The following EYA2 variants were observed in gnomAD, a reference collection of about 807,000 sequenced individuals.
The protein encoded by EYA2 is protein phosphatase EYA2.
Under a neutral mutation model 69.2 loss-of-function variants are expected in EYA2, and 31 were observed. The observed-to-expected ratio is 0.45, with a 90% confidence interval of 0.34 to 0.60. EYA2 has a LOEUF of 0.60. Ranked by LOEUF, EYA2 falls within the 20% of genes least tolerant of loss-of-function variation. The probability of loss-of-function intolerance (pLI) is 0.02; values close to 1 mark genes in which losing one functional copy is unlikely to be tolerated. For synonymous variants in EYA2, 257 were observed against 279.4 expected, an observed-to-expected ratio of 0.92 and a Z score of 0.80; for missense variants, 622 against 701.2, an observed-to-expected ratio of 0.89 and a Z score of 1.28.
At chr20:47,081,355 G>A (rs2031708877) in intron 7 of EYA2, among the ~76,000 whole-genome samples, 1 of 152,072 alleles carries the variant, frequency 6.6e-6, no homozygotes, top group African/African-American at 2.4e-5. Flanking sequence ...ATATGTGAAT[G>A]TTAATTAGCT....
chr20:46,924,669 C>CAAAAAAAAA lies in EYA2; in HGVS notation c.-11+29698_-11+29706dup, dbSNP rs10568771. On this transcript the variant is annotated intron_variant, in intron 1 of 15. Transcript: ENST00000327619. ...TGGCCAATAGAGCGAGACTCCATCT[C>CAAAAAAAAA]AAAAAAAAAAAAAAAAAAAAAAAAG... 7.6e-4 allele frequency among the ~76,000 whole-genome samples: 67 copies of CAAAAAAAAA among 88,352 alleles called. 2 individuals carry two copies. The highest frequency in any genetic ancestry group is 3.5e-3 in the African/African-American group (60 of 17,242). The allele number at this position is 88,352 out of a possible 152,430, so 58.0% of individuals were successfully genotyped here. A position where few individuals can be genotyped will look rare whatever the true frequency, so the allele number is the denominator to read the frequency against.
At chr20:46,940,138 G>A (rs1986092039) in intron 1 of EYA2, among the ~76,000 whole-genome samples, 1 of 152,190 alleles carries the variant, frequency 6.6e-6, no homozygotes, top group Non-Finnish European at 1.5e-5. Flanking sequence ...GCCCTTCCAG[G>A]ATTCACTCAA....
intron 1 of EYA2, among the ~76,000 whole-genome samples, chr20:46,988,572 G>C (rs191482451): frequency 1.8e-4 from 27 of 152,268 alleles, no homozygotes; most frequent in Non-Finnish European, 3.4e-4. Context: ...AATAAATTTA[G>C]CCTTTCTCTG....
rs189623133 is a variant in EYA2 at position 46,969,521 on chromosome 20, C to G, written c.-10-20480C>G. On this transcript the variant is annotated intron_variant, in intron 1 of 15. Transcript: ENST00000327619. ...TCTTGTTTCTTTCATTCTTCCCTGCCTTCCTCTGTCTTTGTTTCTCCTCTT... is the reference window on the plus strand; with the variant it reads ...TCTTGTTTCTTTCATTCTTCCCTGCGTTCCTCTGTCTTTGTTTCTCCTCTT... 2.2e-4 allele frequency among the ~76,000 whole-genome samples: 34 copies of G among 152,034 alleles called. 1 individual carries two copies. The East Asian group carries it at 5.4e-3, about 24-fold the overall frequency.
At chr20:47,023,624 T>C (rs1478005507) in intron 5 of EYA2, among the ~76,000 whole-genome samples, 1 of 115,700 alleles carries the variant, frequency 8.6e-6, no homozygotes, top group African/African-American at 2.8e-5. Flanking sequence ...AGAAGTTTGA[T>C]TTTGGGTGTT....
chr20:47,021,246 A>G (rs1983726414), intron 5 of EYA2, among the ~76,000 whole-genome samples: 4 of 152,222 alleles, frequency 2.6e-5, no homozygotes, highest in Admixed American at 2.6e-4. Context: ...TGGTCAGGGT[A>G]AGAGAAAAGA....
rs111464875 is a variant in EYA2 at position 46,934,134 on chromosome 20, T to C, written c.-11+39147T>C. ...GCACTGACAGTGGAGTGTCTGCATT[T>C]ATGAGAGCATTTTGGGTGGCAATTG... On this transcript the variant is annotated intron_variant, in intron 1 of 15. Coordinates refer to ENST00000327619, the MANE Select transcript of EYA2 (RefSeq NM_005244.5). 5.9e-3 allele frequency among the ~76,000 whole-genome samples: 903 copies of C among 152,314 alleles called. 14 individuals carry two copies. The highest frequency in any genetic ancestry group is 0.021 in the African/African-American group (858 of 41,568).
chr20:47,002,659 A>G (rs761403349), intron 3 of EYA2, among the ~76,000 whole-genome samples: 3 of 152,174 alleles, frequency 2.0e-5, no homozygotes, highest in African/African-American at 4.8e-5. Context: ...TTGTGCTGCA[A>G]TGAACATATG....
chr20:47,013,970 A>G (rs142503489), intron 4 of EYA2, among the ~76,000 whole-genome samples: 11 of 152,320 alleles, frequency 7.2e-5, no homozygotes, highest in African/African-American at 2.4e-4. Context: ...TTATCCGCCA[A>G]TTGCTAGACC....
intron 1 of EYA2, among the ~76,000 whole-genome samples, chr20:46,974,193 T>C (rs772824774): frequency 6.6e-6 from 1 of 152,236 alleles, no homozygotes; most frequent in Non-Finnish European, 1.5e-5. Context: ...TAGACAGTGC[T>C]TAGTCTACGT....
chr20:46,937,931 G>A lies in EYA2; in HGVS notation c.-11+42944G>A, dbSNP rs1252632051. 2.0e-5 allele frequency among the ~76,000 whole-genome samples: 3 copies of A among 152,126 alleles called. No homozygotes were observed. The South Asian group carries it at 6.2e-4, about 32-fold the overall frequency. On this transcript the variant is annotated intron_variant, in intron 1 of 15. Transcript: ENST00000327619. Reference sequence around the variant, plus strand: ...ATGGCATATTAAAGGTGTATCCTATGGGGAGCCAGGCCCTGATTTAAGAGC... The same window carrying A: ...ATGGCATATTAAAGGTGTATCCTATAGGGAGCCAGGCCCTGATTTAAGAGC...
intron 9 of EYA2, among the ~76,000 whole-genome samples, chr20:47,109,650 TG>T (rs1015113339): frequency 7.2e-5 from 11 of 152,282 alleles, no homozygotes; most frequent in African/African-American, 2.6e-4. Context: ...CCCAAAGTGC[TG>T]GGATTACAAG....
intron 10 of EYA2, among the ~76,000 whole-genome samples, chr20:47,159,722 G>C (rs559020800): frequency 3.3e-5 from 5 of 152,060 alleles, no homozygotes; most frequent in Non-Finnish European, 4.4e-5. Flanking sequence ...AGCCACGGTG[G>C]CTCATGCCTG....
intron 9 of EYA2, among the ~76,000 whole-genome samples, chr20:47,126,410 G>A (rs1213067862): frequency 6.6e-6 from 1 of 152,152 alleles, no homozygotes; most frequent in Non-Finnish European, 1.5e-5. Context: ...GGGTTTTCGT[G>A]AGGTTAAGTG....
chr20:47,041,744 G>T (rs1985082907), intron 5 of EYA2, among the ~76,000 whole-genome samples: 1 of 152,186 alleles, frequency 6.6e-6, no homozygotes, highest in Non-Finnish European at 1.5e-5. Flanking sequence ...TAGGTGCTCA[G>T]ATTGTTCTCC....
intron 14 of EYA2, among the ~76,000 whole-genome samples, chr20:47,182,156 C>CATGT (rs1343090522): frequency 6.6e-6 from 1 of 151,994 alleles, no homozygotes; most frequent in East Asian, 2.0e-4. Context: ...GCAAAGACTA[C>CATGT]AGGCGTGCAC....
intron 5 of EYA2, among the ~76,000 whole-genome samples, chr20:47,030,857 A>G (rs147550333): frequency 1.8e-3 from 279 of 152,330 alleles, no homozygotes; most frequent in African/African-American, 6.5e-3. Flanking sequence ...CCTGGACTCA[A>G]GCGATCCTCT....
intron 5 of EYA2, among the ~76,000 whole-genome samples, chr20:47,063,846 G>A (rs1392299101): frequency 1.3e-5 from 2 of 152,188 alleles, no homozygotes; most frequent in Non-Finnish European, 2.9e-5. Context: ...GTGTAATTTG[G>A]TTTCAATACA....
chr20:46,906,097 A>G (rs1313094034), intron 1 of EYA2, among the ~76,000 whole-genome samples: 1 of 152,154 alleles, frequency 6.6e-6, no homozygotes, highest in Admixed American at 6.5e-5. Context: ...CTATCTTATT[A>G]TGCATTTGGA....
Sources: gnomAD v4.1 joint callset for allele counts (sites outside exome capture counted in the v4.1 genomes callset) on GRCh38, gnomAD v4.1.1 for gene constraint, MANE v1.5 for transcripts, NCBI Gene and HGNC (gene_info 2026-07-23, HGNC 2026-07-21) for gene names.